Variants in C12orf60 observed in about 807,000 individuals in gnomAD.
The protein encoded by C12orf60 is uncharacterized protein C12orf60.
For missense variants in C12orf60, 284 were observed against 283.2 expected, an observed-to-expected ratio of 1.00 and a Z score of -0.02; for synonymous variants, 102 against 94.6, an observed-to-expected ratio of 1.08 and a Z score of -0.45.
intron 1 of C12orf60, among the ~76,000 whole-genome samples, chr12:14,810,866 A>G (rs1950125605): frequency 6.6e-6 from 1 of 152,196 alleles, no homozygotes. Flanking sequence ...CACTCAGCAA[A>G]ACAAAAGCCC....
chr12:14,814,293 A>G (rs1950185257), intron 1 of C12orf60: 1 of 152,160 alleles, frequency 6.6e-6, no homozygotes, highest in East Asian at 1.9e-4. Flanking sequence ...CTATTTCTAC[A>G]TGGCTTGGCC....
intron 1 of C12orf60, among the ~76,000 whole-genome samples, chr12:14,820,280 AT>A (rs1950285680): frequency 6.6e-6 from 1 of 151,730 alleles, no homozygotes; most frequent in Non-Finnish European, 1.5e-5. Flanking sequence ...CTTAAAGTTT[AT>A]TGGTTTTTCT....
chr12:14,811,193 T>C (rs933222303), intron 1 of C12orf60, among the ~76,000 whole-genome samples: 1 of 152,234 alleles, frequency 6.6e-6, no homozygotes, highest in African/African-American at 2.4e-5. Context: ...CCATCCACTT[T>C]TGTACAGAGT....
At chr12:14,822,538 C>T (rs1050832559) in intron 1 of C12orf60, among the ~76,000 whole-genome samples, 13 of 152,090 alleles carry the variant, frequency 8.5e-5, no homozygotes, top group African/African-American at 3.1e-4. Context: ...GCTTAGTCTA[C>T]CTTAACTGGA....
rs1254403764 is a variant in C12orf60 at position 14,823,851 on chromosome 12, T to G, written c.*178T>G. The G allele has an allele frequency of 6.2e-6, 3 of 482,636 alleles. No individual in the cohort carries two copies. Among genetic ancestry groups the G allele is most frequent in the Admixed American group, 7.8e-5 (2 of 25,522 alleles). 29.9% of individuals were successfully genotyped at this position (482,636 alleles called of 1,614,324 possible). A position where few individuals can be genotyped will look rare whatever the true frequency, so the allele number is the denominator to read the frequency against. On this transcript the variant is annotated 3_prime_UTR_variant, in exon 2 of 2. Coordinates refer to ENST00000330828, the MANE Select transcript of C12orf60 (RefSeq NM_175874.4). Reference sequence around the variant, plus strand: ...GCTTTATTAAAATAAAAAGAAATAATTAAGAAAGCCTGTTTGAAATGTCAG... The same window carrying G: ...GCTTTATTAAAATAAAAAGAAATAAGTAAGAAAGCCTGTTTGAAATGTCAG...
intron 1 of C12orf60, among the ~76,000 whole-genome samples, chr12:14,809,565 A>G (rs1225350905): frequency 6.6e-6 from 1 of 152,200 alleles, no homozygotes; most frequent in Non-Finnish European, 1.5e-5. Context: ...TACTCCATAA[A>G]TGGTCTTGAG....
At chr12:14,822,817 G>T in intron 1 of C12orf60, 95 bp from the exon 2 acceptor site, 5 of 1,046,166 alleles carry the variant, frequency 4.8e-6, no homozygotes, top group African/African-American at 3.2e-5. Context: ...CCTTGGCAGG[G>T]GGAGTTATCT....
chr12:14,807,454 A>G (rs1950071444), intron 1 of C12orf60, among the ~76,000 whole-genome samples: 1 of 152,224 alleles, frequency 6.6e-6, no homozygotes, highest in Non-Finnish European at 1.5e-5. Flanking sequence ...GTTAAACTCT[A>G]GTCAGGGCCA....
rs1950001659 is a variant in C12orf60, at chr12:14,803,700, ACGG to A, written c.-75_-73del. The A allele has an allele frequency of 3.9e-5, 15 of 388,602 alleles. No individual in the cohort carries two copies. Among genetic ancestry groups the A allele is most frequent in the Non-Finnish European group, 5.9e-5 (13 of 220,498 alleles). The allele number at this position is 388,602 out of a possible 1,614,324, so 24.1% of individuals were successfully genotyped here. A position where few individuals can be genotyped will look rare whatever the true frequency, so the allele number is the denominator to read the frequency against. On this transcript the variant is annotated 5_prime_UTR_variant, in exon 1 of 2. Transcript: ENST00000330828. ...AAGATAGCTGCTAACTGAGTGGCTGACGGTCCTGTCTCTCGAGTTGGAGGCATC... is the reference window on the plus strand; with the variant it reads ...AAGATAGCTGCTAACTGAGTGGCTGATCCTGTCTCTCGAGTTGGAGGCATC...
At chr12:14,815,090 T>A (rs1181487679) in intron 1 of C12orf60, among the ~76,000 whole-genome samples, 1 of 152,234 alleles carries the variant, frequency 6.6e-6, no homozygotes, top group Non-Finnish European at 1.5e-5. Context: ...ATTCATATAT[T>A]AACAACAGTA....
At chr12:14,810,830 A>G (rs1950124855) in intron 1 of C12orf60, among the ~76,000 whole-genome samples, 1 of 152,190 alleles carries the variant, frequency 6.6e-6, no homozygotes, top group South Asian at 2.1e-4. Flanking sequence ...TTAACAATTT[A>G]GTTCTGACTC....
At chr12:14,819,341 AT>A (rs1292732065) in intron 1 of C12orf60, among the ~76,000 whole-genome samples, 1 of 152,158 alleles carries the variant, frequency 6.6e-6, no homozygotes, top group Non-Finnish European at 1.5e-5. Flanking sequence ...CCTATTGTTC[AT>A]TCCTAGTGAA....
chr12:14,814,379 T>G (rs1212493116), intron 1 of C12orf60, among the ~76,000 whole-genome samples: 3 of 152,218 alleles, frequency 2.0e-5, no homozygotes, highest in African/African-American at 7.2e-5. Flanking sequence ...AGACTAATAG[T>G]GTGTAAAACT....
At chr12:14,817,740 T>G (rs538562819) in intron 1 of C12orf60, among the ~76,000 whole-genome samples, 3 of 152,186 alleles carry the variant, frequency 2.0e-5, no homozygotes, top group Non-Finnish European at 4.4e-5. Flanking sequence ...TTGATGGGCA[T>G]TTGGGTTGGT....
rs770934397 is a variant in C12orf60 at position 14,823,623 on chromosome 12, A to T, written c.688A>T (p.Lys230Ter). 15 of 1,598,948 alleles carry T rather than the reference A, an allele frequency of 9.4e-6. No individual in the cohort carries two copies. Among genetic ancestry groups the T allele is most frequent in the Non-Finnish European group, 8.5e-7 (1 of 1,175,362 alleles). ...CTTAGAGATCCTCCAAAAAGCGATA[A>T]AGACTATGGAAATGAATATTTCTGT... Reference protein sequence around the residue: ...PILEILQKAIKTMEMNISVFK... With the variant: ...PILEILQKAI Residue 230 changes from lysine (K) to a stop codon, truncating the protein, a stop_gained, in exon 2 of 2, where the codon AAG (lysine) becomes TAG (stop). Coordinates refer to ENST00000330828, the MANE Select transcript of C12orf60 (RefSeq NM_175874.4). LOFTEE classifies it low-confidence loss of function (END_TRUNC).
At chr12:14,803,860 C>G (rs990586507) in intron 1 of C12orf60, 109 bp downstream of exon 1, 1 of 168,880 alleles carries the variant, frequency 5.9e-6, no homozygotes, top group African/African-American at 2.4e-5. Context: ...TCTTATGACC[C>G]AAGCAGGTGC....
At chr12:14,807,953 G>T (rs1950079059) in intron 1 of C12orf60, among the ~76,000 whole-genome samples, 1 of 152,086 alleles carries the variant, frequency 6.6e-6, no homozygotes, top group Non-Finnish European at 1.5e-5. Flanking sequence ...ATAACTTGAG[G>T]CCAGGAGTTC....
At chr12:14,804,616 A>C (rs180900092) in intron 1 of C12orf60, 2 of 152,364 alleles carry the variant, frequency 1.3e-5, no homozygotes, top group African/African-American at 4.8e-5. Context: ...CTGATAAACC[A>C]GGTAGTACAT....
chr12:14,810,906 G>T (rs577300601), intron 1 of C12orf60, among the ~76,000 whole-genome samples: 7 of 152,268 alleles, frequency 4.6e-5, no homozygotes, highest in Admixed American at 4.6e-4. Flanking sequence ...CCTTCTTAAA[G>T]ATCGTAGTTG....
Sources: gnomAD v4.1 joint callset for allele counts (sites outside exome capture counted in the v4.1 genomes callset) on GRCh38, gnomAD v4.1.1 for gene constraint, MANE v1.5 for transcripts, NCBI Gene and HGNC (gene_info 2026-07-23, HGNC 2026-07-21) for gene names.